Variants in CAMTA1 observed in about 807,000 individuals in gnomAD.
The protein encoded by CAMTA1 is calmodulin-binding transcription activator 1.
CAMTA1 carries 27 observed loss-of-function variants against 170.9 expected under a neutral mutation model. The observed-to-expected ratio is 0.16, with a 90% CI of 0.12 to 0.22. The LOEUF (loss-of-function observed/expected upper bound fraction) is 0.22, where lower values mean the gene tolerates loss of function less well. CAMTA1 is among the 10% of genes least tolerant of loss of function. CAMTA1 has a pLI of 1.00. For synonymous variants in CAMTA1, 833 were observed against 891.5 expected (o/e 0.93, Z 1.17); for missense variants, 1,619 against 2,217.2 (o/e 0.73, Z 5.42).
chr1:6,857,907 G>T (rs1663054108), intron 3 of CAMTA1, among the ~76,000 whole-genome samples: 1 of 152,218 alleles, frequency 6.6e-6, no homozygotes, highest in Non-Finnish European at 1.5e-5. Flanking sequence ...TATGTTGTGG[G>T]TGGCACTGAT....
intron 9 of CAMTA1, among the ~76,000 whole-genome samples, chr1:7,666,630 T>G (rs1179872817): frequency 1.3e-5 from 2 of 152,338 alleles, no homozygotes; most frequent in Non-Finnish European, 2.9e-5. Context: ...GACCAGCACA[T>G]GCACCACGGG....
intron 3 of CAMTA1, chr1:6,871,862 TTAA>T (rs1337572343): frequency 6.9e-7 from 1 of 1,459,712 alleles, no homozygotes; most frequent in Non-Finnish European, 9.0e-7. Flanking sequence ...ATTTTTTAAT[TTAA>T]TTTCATTTTT....
intron 5 of CAMTA1, among the ~76,000 whole-genome samples, chr1:7,337,291 G>A (rs1411750307): frequency 1.3e-5 from 2 of 152,234 alleles, no homozygotes; most frequent in African/African-American, 4.8e-5. Flanking sequence ...CACCCCTTGC[G>A]AGGTTAGGAG....
At chr1:7,097,024 T>G (rs1046130747) in intron 4 of CAMTA1, among the ~76,000 whole-genome samples, 2 of 152,228 alleles carry the variant, frequency 1.3e-5, no homozygotes, top group African/African-American at 4.8e-5. Context: ...CACTTTGGCC[T>G]TCACTTGGCA....
chr1:7,384,563 C>G (rs894316631), intron 5 of CAMTA1, among the ~76,000 whole-genome samples: 17 of 152,164 alleles, frequency 1.1e-4, no homozygotes, highest in Admixed American at 5.9e-4. Context: ...TTTTGTTATT[C>G]AAAATTAAAA....
At chr1:7,342,960 C>T (rs11809929) in intron 5 of CAMTA1, among the ~76,000 whole-genome samples, 37,946 of 152,122 alleles carry the variant, frequency 0.25, 5,456 homozygotes, top group East Asian at 0.59. Flanking sequence ...GAGACAAGTG[C>T]CCTCTGCAAT....
intron 1 of CAMTA1, 26 bp downstream of exon 1, chr1:6,785,601 G>C (rs1437985204): frequency 9.9e-7 from 1 of 1,010,496 alleles, no homozygotes; most frequent in East Asian, 1.1e-4. Context: ...CGAGGGGCTG[G>C]GGGGCGGCGC....
At chr1:7,326,430 C>T (rs890740086) in intron 5 of CAMTA1, among the ~76,000 whole-genome samples, 3 of 152,128 alleles carry the variant, frequency 2.0e-5, no homozygotes, top group Non-Finnish European at 2.9e-5. Context: ...AGTCCCAGCA[C>T]CTGTGAATGT....
intron 3 of CAMTA1, among the ~76,000 whole-genome samples, chr1:6,851,612 CTCA>C (rs1660381838): frequency 6.6e-6 from 1 of 152,170 alleles, no homozygotes; most frequent in African/African-American, 2.4e-5. Flanking sequence ...GGTGCGGTGG[CTCA>C]CTCCTGTGAT....
intron 10 of CAMTA1, among the ~76,000 whole-genome samples, chr1:7,672,274 A>G (rs1441708487): frequency 6.6e-6 from 1 of 151,948 alleles, no homozygotes; most frequent in Non-Finnish European, 1.5e-5. Context: ...GGGTGTTTCT[A>G]GGTTCCACCC....
intron 9 of CAMTA1, among the ~76,000 whole-genome samples, chr1:7,669,940 G>T (rs560552248): frequency 6.6e-6 from 1 of 152,232 alleles, no homozygotes; most frequent in Non-Finnish European, 1.5e-5. Flanking sequence ...AAGCAGGACT[G>T]CCCGGGCCCC....
At chr1:7,743,978 CA>C (rs1187652906) in intron 16 of CAMTA1, among the ~76,000 whole-genome samples, 1 of 150,808 alleles carries the variant, frequency 6.6e-6, no homozygotes, top group African/African-American at 2.4e-5. Flanking sequence ...AGGCGCCCGC[CA>C]CCACGCCCAG....
At position 7,043,229 on chromosome 1, in the gene CAMTA1, C is replaced by G. The variant is rs112277477; in HGVS notation, c.235-48075C>G. Reference sequence around the variant, plus strand: ...GCCTCACTCAGAGGCAGGGGCCCTCCTCTTTCCCCCACCCTACGCTCACCC... The same window carrying G: ...GCCTCACTCAGAGGCAGGGGCCCTCGTCTTTCCCCCACCCTACGCTCACCC... On this transcript the variant is annotated intron_variant, in intron 3 of 22. Transcript: ENST00000303635. Among the ~76,000 whole-genome samples the G allele has an allele frequency of 9.9e-3, 1,515 of 152,342 alleles. 13 individuals are homozygous for G. Among genetic ancestry groups the G allele is most frequent in the South Asian group, 0.023 (112 of 4,818 alleles).
intron 6 of CAMTA1, among the ~76,000 whole-genome samples, chr1:7,475,869 G>A (rs1008064863): frequency 6.6e-5 from 10 of 152,236 alleles, no homozygotes; most frequent in African/African-American, 9.6e-5. Context: ...AACAGACGTG[G>A]TCCCTGTCCT....
intron 3 of CAMTA1, among the ~76,000 whole-genome samples, chr1:7,031,001 A>ATTTTTT (rs58953861): frequency 6.0e-5 from 6 of 100,030 alleles, no homozygotes; most frequent in African/African-American, 2.5e-4. Context: ...TGCCCAGCTA[A>ATTTTTT]TTTTTTTTTT....
intron 3 of CAMTA1, among the ~76,000 whole-genome samples, chr1:7,075,875 C>A (rs1231588622): frequency 6.6e-6 from 1 of 151,258 alleles, no homozygotes; most frequent in Non-Finnish European, 1.5e-5. Context: ...GTTGGCCAGG[C>A]TGGTCTTGAA....
At chr1:7,026,635 C>CT (rs540196853) in intron 3 of CAMTA1, among the ~76,000 whole-genome samples, 2,467 of 116,510 alleles carry the variant, frequency 0.021, 81 homozygotes, top group African/African-American at 0.065. Flanking sequence ...TGGGTGGCTG[C>CT]TTTTTTTTTT....
rs144208048 is a variant in CAMTA1, at chr1:6,808,276, C to T, written c.46-11905C>T. ...GAATTGATTGGATAAAGTCGATTCT[C>T]CTGAAACAGGTGCTAATAAGGGCCA... is the stretch of plus-strand genomic sequence containing the variant. On this transcript the variant is annotated intron_variant, in intron 1 of 22. Transcript: ENST00000303635. 4.5e-3 allele frequency among the ~76,000 whole-genome samples: 682 copies of T among 151,930 alleles called. 8 individuals carry two copies. Among genetic ancestry groups the T allele is most frequent in the African/African-American group, 0.016 (666 of 41,452 alleles).
At chr1:7,072,796 T>G (rs1167118246) in intron 3 of CAMTA1, among the ~76,000 whole-genome samples, 1 of 152,178 alleles carries the variant, frequency 6.6e-6, no homozygotes, top group Admixed American at 6.5e-5. Context: ...GGGATGCAGG[T>G]GCAGAAGCCC....
Sources: gnomAD v4.1 joint callset for allele counts (sites outside exome capture counted in the v4.1 genomes callset) on GRCh38, gnomAD v4.1.1 for gene constraint, MANE v1.5 for transcripts, NCBI Gene and HGNC (gene_info 2026-07-23, HGNC 2026-07-21) for gene names.